The following IL17RD variants were observed in gnomAD, a reference collection of about 807,000 sequenced individuals.
IL17RD encodes the protein interleukin-17 receptor D.
In IL17RD, 52 loss-of-function variants were observed where a neutral mutation model predicts 80.5. That is an observed-to-expected ratio of 0.65 (90% CI 0.52 to 0.81). The LOEUF (loss-of-function observed/expected upper bound fraction) is 0.81. IL17RD is among the 40% of genes least tolerant of loss of function. The pLI, the probability that IL17RD is intolerant of heterozygous loss-of-function variation, is 0.00. For synonymous variants in IL17RD, 416 were observed against 391.8 expected, an observed-to-expected ratio of 1.06 and a Z score of -0.73; for missense variants, 1,024 against 955.1, an observed-to-expected ratio of 1.07 and a Z score of -0.95.
upstream of IL17RD, among the ~76,000 whole-genome samples, chr3:57,167,055 C>T (rs372438910): frequency 6.6e-6 from 1 of 152,196 alleles, no homozygotes; most frequent in East Asian, 1.9e-4. Context: ...GGAGTAGAGC[C>T]AGCCTCACCT....
At chr3:57,138,939 CAA>C (rs1026336884) in intron 1 of IL17RD, among the ~76,000 whole-genome samples, 1,102 of 40,370 alleles carry the variant, frequency 0.027, 7 homozygotes, top group African/African-American at 0.096. Flanking sequence ...AACTCCATCT[CAA>C]AAAAAAAAAA....
chr3:57,091,587 G>A lies in IL17RD; in HGVS notation c.*4806C>T, dbSNP rs906445717. ...AAATTATTAGGCCCCTGGAAAACAA[G>A]AGCCATGAAGAATGGTTTAAGTGGG... is the stretch of plus-strand genomic sequence containing the variant. On this transcript the variant is annotated 3_prime_UTR_variant, in exon 13 of 13. Transcript: ENST00000296318. 6.6e-6 allele frequency: 1 copy of A among 152,580 alleles called. No individual in the cohort carries two copies. Among genetic ancestry groups the A allele is most frequent in the African/African-American group, 2.4e-5 (1 of 41,434 alleles). 9.5% of individuals were successfully genotyped at this position (152,580 alleles called of 1,614,324 possible).
At chr3:57,127,916 T>A (rs997759414) in intron 1 of IL17RD, among the ~76,000 whole-genome samples, 2 of 152,150 alleles carry the variant, frequency 1.3e-5, no homozygotes, top group Non-Finnish European at 2.9e-5. Context: ...CCCCACTTAC[T>A]TCAGTTCAAA....
chr3:57,100,788 C>T (rs1189833314), intron 11 of IL17RD, among the ~76,000 whole-genome samples: 1 of 152,194 alleles, frequency 6.6e-6, no homozygotes, highest in African/African-American at 2.4e-5. Flanking sequence ...CTTTACTTGC[C>T]ACTCTCTCTT....
chr3:57,159,343 G>A (rs912247610), intron 1 of IL17RD, among the ~76,000 whole-genome samples: 1 of 152,150 alleles, frequency 6.6e-6, no homozygotes, highest in African/African-American at 2.4e-5. Context: ...TCAATCAGCC[G>A]GTGGCCCTGC....
chr3:57,142,026 A>C (rs996411405), intron 1 of IL17RD, among the ~76,000 whole-genome samples: 4 of 151,674 alleles, frequency 2.6e-5, no homozygotes, highest in African/African-American at 9.7e-5. Flanking sequence ...AGCCACAGGA[A>C]AAAAAAAATT....
intron 1 of IL17RD, among the ~76,000 whole-genome samples, chr3:57,129,696 C>G (rs1224987821): frequency 6.6e-6 from 1 of 152,182 alleles, no homozygotes; most frequent in Non-Finnish European, 1.5e-5. Context: ...GGAAGGCCAT[C>G]ATTTTAGGTT....
At chr3:57,156,787 A>C (rs2060270174) in intron 1 of IL17RD, among the ~76,000 whole-genome samples, 1 of 150,556 alleles carries the variant, frequency 6.6e-6, no homozygotes, top group African/African-American at 2.5e-5. Flanking sequence ...TCCCCCGACC[A>C]ATGAGCCCCC....
In IL17RD at chr3:57,120,283, G is replaced by A; in HGVS notation, c.157C>T (p.Leu53=). 1 of 1,613,578 alleles carries A rather than the reference G, an allele frequency of 6.2e-7. No individual in the cohort carries two copies. The highest frequency in any genetic ancestry group is 8.5e-7 in the Non-Finnish European group (1 of 1,179,462). Residue 53 remains leucine (L), a synonymous_variant, in exon 2 of 13, where the codon CTG becomes TTG. Coordinates refer to ENST00000296318, the MANE Select transcript of IL17RD (RefSeq NM_017563.5). Reference sequence around the variant, plus strand: ...TCATATTTGAAGGTGATGTTGTACAGCCCACTGTTTCTGCTGGCTGGCCCC... The same window carrying A: ...TCATATTTGAAGGTGATGTTGTACAACCCACTGTTTCTGCTGGCTGGCCCC... ...GVGPASRNSG[L]YNITFKYDNC... is the part of the protein sequence containing the mutation.
Position 57,098,549 on chromosome 3 carries a change from A to G in IL17RD, c.1165-11T>C, listed in dbSNP as rs1456920643. On this transcript the variant is annotated splice_polypyrimidine_tract_variant and intron_variant, in intron 11 of 12. Transcript: ENST00000296318. ...CAGGTCCAGAGCCACCTGGAAAGAG[A>G]ACAAGGCACCTCACCCATACAGAAG... 6.4e-7 allele frequency: 1 copy of G among 1,561,504 alleles called. No homozygotes were observed. The highest frequency in any genetic ancestry group is 1.8e-5 in the Admixed American group (1 of 54,948).
chr3:57,158,148 A>T (rs1358094054), intron 1 of IL17RD, among the ~76,000 whole-genome samples: 1 of 152,226 alleles, frequency 6.6e-6, no homozygotes. Context: ...TTCAAAGTTG[A>T]TACTTGAATT....
intron 1 of IL17RD, chr3:57,134,397 C>A: frequency 1.4e-6 from 1 of 711,240 alleles, no homozygotes; most frequent in Non-Finnish European, 2.6e-6. Context: ...AGCCAATGCC[C>A]AAATGCCAGG....
intron 1 of IL17RD, among the ~76,000 whole-genome samples, chr3:57,149,204 G>T (rs1277385225): frequency 6.6e-6 from 1 of 151,610 alleles, no homozygotes; most frequent in Non-Finnish European, 1.5e-5. Flanking sequence ...GCTGAGGCAG[G>T]AGAATCGCTT....
chr3:57,143,274 T>C (rs1347895861), intron 1 of IL17RD, among the ~76,000 whole-genome samples: 2 of 152,226 alleles, frequency 1.3e-5, no homozygotes, highest in Admixed American at 6.5e-5. Flanking sequence ...AGTATCCTTT[T>C]TGAAGTATTT....
intron 5 of IL17RD, among the ~76,000 whole-genome samples, chr3:57,108,222 G>A (rs957869549): frequency 1.3e-5 from 2 of 151,800 alleles, no homozygotes; most frequent in African/African-American, 4.8e-5. Flanking sequence ...ACCACACCCG[G>A]CTAATTTTTG....
chr3:57,147,566 G>A (rs183895930), intron 1 of IL17RD, among the ~76,000 whole-genome samples: 25 of 152,248 alleles, frequency 1.6e-4, no homozygotes, highest in African/African-American at 5.8e-4. Context: ...AACGGCAAGG[G>A]AGATGGGCAG....
chr3:57,103,214 G>A, intron 8 of IL17RD, 69 bp from the exon 9 acceptor site: 5 of 1,326,966 alleles, frequency 3.8e-6, no homozygotes, highest in South Asian at 2.5e-5. Context: ...GAAAAAAATG[G>A]TAATTTCATT....
chr3:57,133,336 A>C (rs1707652833), intron 1 of IL17RD, among the ~76,000 whole-genome samples: 1 of 152,192 alleles, frequency 6.6e-6, no homozygotes, highest in South Asian at 2.1e-4. Flanking sequence ...TTAAACTATA[A>C]GCAATAAATC....
At chr3:57,117,549 C>T (rs1230003133) in intron 2 of IL17RD, among the ~76,000 whole-genome samples, 2 of 152,130 alleles carry the variant, frequency 1.3e-5, no homozygotes, top group Non-Finnish European at 2.9e-5. Flanking sequence ...GACTTAATGG[C>T]AAGACATTTT....
Sources: allele counts gnomAD v4.1 joint callset (sites outside exome capture counted in the v4.1 genomes callset), GRCh38; gene constraint gnomAD v4.1.1; transcripts MANE v1.5; gene names NCBI Gene and HGNC (gene_info 2026-07-23, HGNC 2026-07-21).